EBI3: variants seen among roughly 807,000 people sequenced by gnomAD.
The protein encoded by EBI3 is interleukin-27 subunit beta.
In EBI3, 19 loss-of-function variants were observed where a neutral mutation model predicts 21.3. The observed-to-expected ratio is 0.89, with a 90% CI of 0.62 to 1.31. The LOEUF (loss-of-function observed/expected upper bound fraction) is 1.31. Ranked by LOEUF, EBI3 falls within the 50% of genes most tolerant of loss-of-function variation. The probability of loss-of-function intolerance (pLI) is 0.00; values close to 1 mark genes in which losing one functional copy is unlikely to be tolerated. For synonymous variants in EBI3, 154 were observed against 131.2 expected (o/e 1.17, Z -1.19); for missense variants, 331 against 314.0 (o/e 1.05, Z -0.41).
chr19:4,233,099 G>A (rs118164642), intron 2 of EBI3, 30 bp from the exon 3 acceptor site: 102,069 of 1,537,126 alleles, frequency 0.066, 6,466 homozygotes, highest in South Asian at 0.29. Flanking sequence ...GGCACTCCCT[G>A]AGGCGCTCAG....
Position 4,233,208 on chromosome 19 carries a change from G to A in EBI3, c.280G>A (p.Val94Ile). The A allele has an allele frequency of 6.2e-7, 1 of 1,612,696 alleles. No homozygotes were observed. Among genetic ancestry groups the A allele is most frequent in the Non-Finnish European group, 8.5e-7 (1 of 1,179,906 alleles). The change falls in exon 3 of 5, where the codon GTC (valine) becomes ATC (isoleucine). Residue 94 changes from valine to isoleucine, a missense_variant. Coordinates refer to ENST00000221847, the MANE Select transcript of EBI3 (RefSeq NM_005755.3). ...PTSTSCTITD[V>I]QLFSMAPYVL... ...GTCCACCAGCTGCACCATCACGGAT[G>A]TCCAGCTGTTCTCCATGGCTCCCTA...
chr19:4,232,837 G>T (rs1053370838), intron 2 of EBI3, among the ~76,000 whole-genome samples: 1 of 143,160 alleles, frequency 7.0e-6, no homozygotes, highest in Non-Finnish European at 1.5e-5. Flanking sequence ...TGAATGAATG[G>T]ATGGATGAAT....
At position 4,233,123 on chromosome 19, in the gene EBI3, G is replaced by A. The variant is rs760981663; in HGVS notation, c.201-6G>A. On this transcript the variant is annotated splice_polypyrimidine_tract_variant and splice_region_variant and intron_variant, in intron 2 of 4. Transcript: ENST00000221847. ...TGAGGCGCTCAGCGAGCCCCACCCT[G>A]TGCAGGCTCGGCATGGCTGCCCGGG... The A allele has an allele frequency of 2.5e-6, 4 of 1,585,762 alleles. No homozygotes were observed. Among genetic ancestry groups the A allele is most frequent in the South Asian group, 1.1e-5 (1 of 88,342 alleles).
In EBI3 at chr19:4,237,025, A is replaced by C. The variant is rs747650023; in HGVS notation, c.627A>C (p.Thr209=). ...TCCAAGTGGCGGCTCAGGACCTCAC[A>C]GACTACGGGGAACTGAGTGACTGGA... is the stretch of plus-strand genomic sequence containing the variant. ...YYVQVAAQDL[T]DYGELSDWSL... is the part of the protein sequence containing the mutation. The change falls in exon 5 of 5, where the codon ACA becomes ACC. Residue 209 remains threonine, a synonymous_variant. Transcript: ENST00000221847. 1 of 1,579,122 alleles carries C rather than the reference A, an allele frequency of 6.3e-7. No homozygotes were observed. The highest frequency in any genetic ancestry group is 8.6e-7 in the Non-Finnish European group (1 of 1,160,044).
In EBI3 at chr19:4,233,315, G is replaced by A. The variant is rs530402374; in HGVS notation, c.379+8G>A. On this transcript the variant is annotated splice_region_variant and intron_variant, in intron 3 of 4. Transcript: ENST00000221847. ...TCATAACAGAGCACATCAGTGAGTG[G>A]GGGCGGCAGTGGGGGCGGGGGCGGG... The A allele has an allele frequency of 1.9e-6, 3 of 1,587,122 alleles. No individual in the cohort carries two copies. The East Asian group carries it at 7.0e-5, about 37-fold the overall frequency.
intron 3 of EBI3, 136 bp from the exon 4 acceptor site, chr19:4,234,531 C>A (rs1192927685): frequency 7.1e-7 from 1 of 1,403,636 alleles, no homozygotes; most frequent in East Asian, 2.4e-5. Context: ...CCGCTGTACT[C>A]CAGCCTGGGT....
At chr19:4,231,770 CAAAAAA>C (rs776262776) in intron 2 of EBI3, among the ~76,000 whole-genome samples, 2 of 102,890 alleles carry the variant, frequency 1.9e-5, no homozygotes, top group Non-Finnish European at 3.8e-5. Context: ...GACTCCATCT[CAAAAAA>C]AAAAAAAAAA....
At position 4,234,759 on chromosome 19, in the gene EBI3, C is replaced by G. The variant is rs752317100; in HGVS notation, c.472C>G (p.Pro158Ala). 1 of 1,614,002 alleles carries G rather than the reference C, an allele frequency of 6.2e-7. No homozygotes were observed. Among genetic ancestry groups the G allele is most frequent in the East Asian group, 2.2e-5 (1 of 44,892 alleles). Residue 158 changes from proline (P) to alanine (A), a missense_variant, in exon 4 of 5, where the codon CCA becomes GCA. Transcript: ENST00000221847. ...QWEPPGSWPF[P>A]EIFSLKYWIR... is the part of the protein sequence containing the mutation. ...GGAGCCTCCCGGGTCCTGGCCCTTC[C>G]CAGAGATCTTCTCACTGAAGTACTG...
At chr19:4,235,620 T>C (rs1970830885) in intron 4 of EBI3, among the ~76,000 whole-genome samples, 1 of 152,190 alleles carries the variant, frequency 6.6e-6, no homozygotes, top group African/African-American at 2.4e-5. Context: ...CTGGCCAGAA[T>C]TAGCCATTTT....
Position 4,233,272 on chromosome 19 carries a change from G to C in EBI3, c.344G>C (p.Ser115Thr), listed in dbSNP as rs1970807750. 3 of 1,609,656 alleles carry C rather than the reference G, an allele frequency of 1.9e-6. No individual in the cohort carries two copies. Among genetic ancestry groups the C allele is most frequent in the Non-Finnish European group, 2.5e-6 (3 of 1,178,576 alleles). Residue 115 changes from serine (S) to threonine (T), a missense_variant, in exon 3 of 5, where the codon AGC (serine) becomes ACC (threonine). Physicochemically the swap from Ser to Thr is moderately conservative, Grantham distance 58. Coordinates refer to ENST00000221847, the MANE Select transcript of EBI3 (RefSeq NM_005755.3). ...NVTAVHPWGS[S>T]SSFVPFITEH... ...ACCGCCGTCCACCCCTGGGGCTCCAGCAGCAGCTTCGTGCCTTTCATAACA... is the reference window on the plus strand; with the variant it reads ...ACCGCCGTCCACCCCTGGGGCTCCACCAGCAGCTTCGTGCCTTTCATAACA...
At chr19:4,233,860 T>C (rs74352787) in intron 3 of EBI3, among the ~76,000 whole-genome samples, 3,601 of 152,304 alleles carry the variant, frequency 0.024, 162 homozygotes, top group African/African-American at 0.082. Flanking sequence ...TTCGGGTCTC[T>C]GTGCATACAT....
rs546420086 is a variant in EBI3, at chr19:4,229,633, G to T, written c.67+16G>T. On this transcript the variant is annotated intron_variant, in intron 1 of 4. Coordinates refer to ENST00000221847, the MANE Select transcript of EBI3 (RefSeq NM_005755.3). Reference sequence around the variant, plus strand: ...GGAAGGAAAGGTATGTGGGGCCCCTGGGGGACTGGGGGGCCCAGGCAGACG... The same window carrying T: ...GGAAGGAAAGGTATGTGGGGCCCCTTGGGGACTGGGGGGCCCAGGCAGACG... 22 of 1,595,986 alleles carry T rather than the reference G, an allele frequency of 1.4e-5. No individual in the cohort carries two copies. In the South Asian group the frequency reaches 2.5e-4, roughly 18 times the overall value.
At chr19:4,236,539 A>AAAAAG (rs1970839653) in intron 4 of EBI3, among the ~76,000 whole-genome samples, 1 of 149,972 alleles carries the variant, frequency 6.7e-6, no homozygotes, top group African/African-American at 2.5e-5. Context: ...AAAAAAAAAA[A>AAAAAG]AAAAGCATGG....
intron 2 of EBI3, among the ~76,000 whole-genome samples, chr19:4,232,233 AAAAAAAAAAAAAG>A (rs1159506087): frequency 3.5e-5 from 5 of 141,068 alleles, no homozygotes; most frequent in East Asian, 2.0e-4. Flanking sequence ...AAAAAAAAAA[AAAAAAAAAAAAAG>A]AAAAGAAAAG....
intron 1 of EBI3, 71 bp downstream of exon 1, chr19:4,229,688 T>A: frequency 6.8e-7 from 1 of 1,461,712 alleles, no homozygotes; most frequent in Non-Finnish European, 9.3e-7. Context: ...CCTCGGATCA[T>A]GTCTGGGGTG....
intron 4 of EBI3, 36 bp from the exon 5 acceptor site, chr19:4,236,900 C>T (rs978385166): frequency 6.8e-7 from 1 of 1,471,240 alleles, no homozygotes; most frequent in Non-Finnish European, 9.1e-7. Flanking sequence ...TCTCCATCTT[C>T]TGGTTCTAGT....
intron 1 of EBI3, 128 bp downstream of exon 1, chr19:4,229,745 C>T: frequency 1.0e-6 from 1 of 963,276 alleles, no homozygotes; most frequent in Non-Finnish European, 1.5e-6. Context: ...GGTTACCCTC[C>T]CATTGTACAG....
chr19:4,234,112 A>T (rs1285562964), intron 3 of EBI3, among the ~76,000 whole-genome samples: 2 of 152,180 alleles, frequency 1.3e-5, no homozygotes, highest in Non-Finnish European at 2.9e-5. Flanking sequence ...GGGCTGAGGC[A>T]CGAGAATCAC....
intron 2 of EBI3, among the ~76,000 whole-genome samples, chr19:4,232,661 C>T (rs1970796130): frequency 6.6e-6 from 1 of 151,916 alleles, no homozygotes; most frequent in Non-Finnish European, 1.5e-5. Flanking sequence ...GAGTTCAAGG[C>T]TATAATGAGC....
Sources: gnomAD v4.1 joint callset for allele counts (sites outside exome capture counted in the v4.1 genomes callset) on GRCh38, gnomAD v4.1.1 for gene constraint, MANE v1.5 for transcripts, NCBI Gene and HGNC (gene_info 2026-07-23, HGNC 2026-07-21) for gene names.